Variants in PRKG1 observed in about 807,000 individuals in gnomAD.
The protein encoded by PRKG1 is protein kinase cGMP-dependent 1.
PRKG1 carries 35 observed loss-of-function variants against 88.1 expected under a neutral mutation model. That is an observed-to-expected ratio of 0.40 (90% CI 0.30 to 0.53). The LOEUF is 0.53. Among genes scored for constraint, PRKG1 ranks in the 20% least tolerant of loss-of-function variants. The pLI is 0.59. For synonymous variants in PRKG1, 303 were observed against 292.5 expected (o/e 1.04, Z -0.37); for missense variants, 540 against 839.8 (o/e 0.64, Z 4.41).
intron 2 of PRKG1, among the ~76,000 whole-genome samples, chr10:51,450,070 CAATTCATTAGG>C (rs1271544760): frequency 1.3e-5 from 2 of 151,852 alleles, no homozygotes; most frequent in Non-Finnish European, 2.9e-5. Context: ...TAGATGGTCT[CAATTCATTAGG>C]AATAATATTT....
chr10:51,989,025 C>A (rs981159406), intron 5 of PRKG1, among the ~76,000 whole-genome samples: 11 of 151,854 alleles, frequency 7.2e-5, no homozygotes, highest in Non-Finnish European at 1.6e-4. Flanking sequence ...TTCATATATA[C>A]CTGAAATTAT....
chr10:51,274,518 G>GAA (rs1443315254), intron 2 of PRKG1, among the ~76,000 whole-genome samples: 1 of 152,176 alleles, frequency 6.6e-6, no homozygotes, highest in Admixed American at 6.5e-5. Flanking sequence ...CCCCAGCCAT[G>GAA]AAATTGGGAT....
At chr10:52,058,237 G>C (rs1310139694) in intron 6 of PRKG1, among the ~76,000 whole-genome samples, 2 of 152,014 alleles carry the variant, frequency 1.3e-5, no homozygotes, top group African/African-American at 4.8e-5. Context: ...TTTCTCAGTA[G>C]TAGTAGCCAC....
At chr10:51,802,312 C>T (rs1183454019) in intron 3 of PRKG1, among the ~76,000 whole-genome samples, 8 of 152,144 alleles carry the variant, frequency 5.3e-5, no homozygotes, top group Admixed American at 2.6e-4. Context: ...AATTTGCAAT[C>T]TCATCAAGCT....
intron 4 of PRKG1, among the ~76,000 whole-genome samples, chr10:51,806,717 C>A (rs1370840501): frequency 6.6e-6 from 1 of 152,144 alleles, no homozygotes; most frequent in East Asian, 1.9e-4. Flanking sequence ...TTCAGTGGAG[C>A]ACAGTTCCTG....
At chr10:51,365,218 A>G (rs572265164) in intron 2 of PRKG1, among the ~76,000 whole-genome samples, 4 of 151,854 alleles carry the variant, frequency 2.6e-5, no homozygotes, top group Middle Eastern at 3.2e-3. Context: ...CACTATCATC[A>G]TCATCTTCTT....
chr10:51,277,672 C>T (rs1840164750), intron 2 of PRKG1, among the ~76,000 whole-genome samples: 1 of 152,228 alleles, frequency 6.6e-6, no homozygotes, highest in Non-Finnish European at 1.5e-5. Context: ...AGGTCCTTCA[C>T]ATCCCTTGTA....
rs113499981 is a variant in PRKG1, at chr10:52,124,158, T to C, written c.936-9682T>C. On this transcript the variant is annotated intron_variant, in intron 7 of 17. Coordinates refer to ENST00000373980, the MANE Select transcript of PRKG1 (RefSeq NM_006258.4). ...ACAGAGTAAGACTTAATTAAGCTAC[T>C]TAGAATGGTGTGCAATTTAAATGGT... 6.6e-5 allele frequency among the ~76,000 whole-genome samples: 10 copies of C among 152,272 alleles called. No homozygotes were observed. The East Asian group carries it at 1.9e-3, about 29-fold the overall frequency.
At chr10:51,275,964 CTT>C (rs200640333) in intron 2 of PRKG1, among the ~76,000 whole-genome samples, 8 of 141,942 alleles carry the variant, frequency 5.6e-5, no homozygotes, top group African/African-American at 7.7e-5. Flanking sequence ...ATGAAATTTT[CTT>C]TTTTTTTTTT....
At chr10:52,047,317 T>G (rs1368163231) in intron 5 of PRKG1, among the ~76,000 whole-genome samples, 1 of 152,096 alleles carries the variant, frequency 6.6e-6, no homozygotes, top group African/African-American at 2.4e-5. Flanking sequence ...CAATGGTTTT[T>G]CCATGAGTGA....
intron 2 of PRKG1, among the ~76,000 whole-genome samples, chr10:51,236,620 A>G (rs1477223604): frequency 1.3e-5 from 2 of 151,798 alleles, no homozygotes; most frequent in Non-Finnish European, 2.9e-5. Flanking sequence ...CTCCTGGCTC[A>G]GCCTCCCGAG....
chr10:51,395,448 C>T (rs1005424738), intron 2 of PRKG1, among the ~76,000 whole-genome samples: 19 of 152,296 alleles, frequency 1.2e-4, no homozygotes, highest in African/African-American at 4.1e-4. Flanking sequence ...GTTCTTATGC[C>T]TGCCCTGGTT....
chr10:50,991,310 A>AGCC lies in PRKG1; in HGVS notation c.-38_-36dup, dbSNP rs79957958. 0.28 allele frequency: 390,257 copies of AGCC among 1,383,700 alleles called. 44,921 individuals are homozygous for AGCC. The highest frequency in any genetic ancestry group is 0.64 in the African/African-American group (39,042 of 60,852). 85.7% of individuals were successfully genotyped at this position (1,383,700 alleles called of 1,614,324 possible). On this transcript the variant is annotated 5_prime_UTR_variant, in exon 1 of 18. Transcript: ENST00000401604. This position sits in a 1 kb window ranked among gnomAD's most constrained non-coding sequence, Gnocchi z 4.5. ...GCTCTCCGCTGCCGGCTGCCGTCCC[A>AGCC]GCCGCCGCCGCCGCCGCCGCCGCCG... is the stretch of plus-strand genomic sequence containing the variant.
At position 51,463,844 on chromosome 10, in the gene PRKG1, C is replaced by T. The variant is rs371295211; in HGVS notation, c.479-3879C>T. Among the ~76,000 whole-genome samples, 76 of 152,306 alleles carry T rather than the reference C, an allele frequency of 5.0e-4. 1 individual carries two copies. The highest frequency in any genetic ancestry group is 1.5e-3 in the African/African-American group (63 of 41,564). On this transcript the variant is annotated intron_variant, in intron 2 of 17. Coordinates refer to ENST00000373980, the MANE Select transcript of PRKG1 (RefSeq NM_006258.4). ...CCCTCATTAAAGTATCCAGTGTGTC[C>T]TGCCTCCTTGAATTAGCCATTCCTC... is the stretch of plus-strand genomic sequence containing the variant.
chr10:52,046,347 A>G (rs1394412988), intron 5 of PRKG1, among the ~76,000 whole-genome samples: 1 of 152,048 alleles, frequency 6.6e-6, no homozygotes, highest in Non-Finnish European at 1.5e-5. Flanking sequence ...CTTTACAAAC[A>G]CTGTTCTCTA....
intron 5 of PRKG1, among the ~76,000 whole-genome samples, chr10:51,940,520 T>C (rs908099179): frequency 6.6e-6 from 1 of 151,910 alleles, no homozygotes; most frequent in African/African-American, 2.4e-5. Context: ...ATACCTATGA[T>C]GGCTATACTG....
In PRKG1 at chr10:51,923,885, G is replaced by A. The variant is rs184139753; in HGVS notation, c.762+16315G>A. ...ATTTTGTTGCCCAGGCTAGAGTGCAGTGATGCAATCACAGCTCACTGCAAC... is the reference window on the plus strand; with the variant it reads ...ATTTTGTTGCCCAGGCTAGAGTGCAATGATGCAATCACAGCTCACTGCAAC... On this transcript the variant is annotated intron_variant, in intron 5 of 17. Coordinates refer to ENST00000373980, the MANE Select transcript of PRKG1 (RefSeq NM_006258.4). Among the ~76,000 whole-genome samples, 504 of 151,692 alleles carry A rather than the reference G, an allele frequency of 3.3e-3. 2 individuals are homozygous for A. The highest frequency in any genetic ancestry group is 5.8e-3 in the Non-Finnish European group (391 of 67,886).
In PRKG1 at chr10:51,275,412, GA is replaced by G. The variant is rs1377754856; in HGVS notation, c.478+122086del. ...TTTCAACTGAAAGCAGTGAAATTGG[GA>G]AAATCCTAATTTTTCTTTGGAAAAT... On this transcript the variant is annotated intron_variant, in intron 2 of 17. Coordinates refer to ENST00000373980, the MANE Select transcript of PRKG1 (RefSeq NM_006258.4). Among the ~76,000 whole-genome samples, 3 of 152,100 alleles carry G rather than the reference GA, an allele frequency of 2.0e-5. No individual in the cohort carries two copies. The East Asian group carries it at 5.8e-4, about 29-fold the overall frequency.
chr10:51,971,011 G>A (rs1239610862), intron 5 of PRKG1, among the ~76,000 whole-genome samples: 1 of 151,608 alleles, frequency 6.6e-6, no homozygotes, highest in African/African-American at 2.4e-5. Context: ...GTACCACACA[G>A]CAATGGAAAG....
Sources: gnomAD v4.1 joint callset for allele counts (sites outside exome capture counted in the v4.1 genomes callset) on GRCh38, gnomAD v4.1.1 for gene constraint, Gnocchi (gnomAD v3.1) non-coding constraint, MANE v1.5 for transcripts, NCBI Gene and HGNC (gene_info 2026-07-23, HGNC 2026-07-21) for gene names.